The following CBX1 variants were observed in gnomAD, a reference collection of about 807,000 sequenced individuals.
CBX1 encodes chromobox 1.
Under a neutral mutation model 25.1 loss-of-function variants are expected in CBX1, and 10 were observed. The observed-to-expected ratio is 0.40, with a 90% CI of 0.25 to 0.68. CBX1 has a LOEUF of 0.68. Among genes scored for constraint, CBX1 ranks in the 30% least tolerant of loss-of-function variants. The probability of loss-of-function intolerance (pLI) is 0.40; values close to 1 mark genes in which losing one functional copy is unlikely to be tolerated. For missense variants in CBX1, 106 were observed against 218.5 expected (o/e 0.49, Z 3.25); for synonymous variants, 63 against 79.4 (o/e 0.79, Z 1.10).
chr17:48,083,164 C>T (rs1427812317), intron 1 of CBX1, among the ~76,000 whole-genome samples: 4 of 149,786 alleles, frequency 2.7e-5, no homozygotes, highest in Admixed American at 6.6e-5. Context: ...CTGCACCTGG[C>T]CTAATTTTTA....
intron 1 of CBX1, among the ~76,000 whole-genome samples, chr17:48,081,823 C>T (rs930035757): frequency 2.6e-5 from 4 of 152,158 alleles, no homozygotes; most frequent in African/African-American, 9.7e-5. Context: ...TCTTCCTGAG[C>T]TTTCTTTACT....
In CBX1 at chr17:48,086,680, A is replaced by G. The variant is rs562787034; in HGVS notation, c.-37-9639T>C. Among the ~76,000 whole-genome samples, 497 of 151,884 alleles carry G rather than the reference A, an allele frequency of 3.3e-3. 7 individuals carry two copies. Among genetic ancestry groups the G allele is most frequent in the African/African-American group, 0.012 (485 of 41,398 alleles). On this transcript the variant is annotated intron_variant, in intron 1 of 4. Transcript: ENST00000225603. ...AGACCAGCCTGGCCAACATGGTGAA[A>G]CCCTGTCTCTACTAAAAAATACAAA...
In CBX1 at chr17:48,071,210, G is replaced by A. The variant is rs533768064; in HGVS notation, c.*225C>T. The A allele has an allele frequency of 4.1e-4, 159 of 387,764 alleles. No homozygotes were observed. Among genetic ancestry groups the A allele is most frequent in the African/African-American group, 3.2e-3 (154 of 48,800 alleles). 24.0% of individuals were successfully genotyped at this position (387,764 alleles called of 1,614,324 possible). ...TTCGCAGCAAAGTGCAGAAAAGGTT[G>A]CCTTGAAACACTTATCCCCTTTCCC... On this transcript the variant is annotated 3_prime_UTR_variant, in exon 5 of 5. Coordinates refer to ENST00000225603, the MANE Select transcript of CBX1 (RefSeq NM_001127228.2).
At chr17:48,075,662 CT>C (rs1469799939) in intron 3 of CBX1, among the ~76,000 whole-genome samples, 1 of 110,900 alleles carries the variant, frequency 9.0e-6, no homozygotes, top group Non-Finnish European at 2.2e-5. Flanking sequence ...TATCTCTTCA[CT>C]CTCAAAAAAC....
intron 1 of CBX1, among the ~76,000 whole-genome samples, chr17:48,085,439 T>C (rs2063307199): frequency 6.6e-6 from 1 of 152,134 alleles, no homozygotes; most frequent in Non-Finnish European, 1.5e-5. Context: ...CCCTCCAGCC[T>C]GTATAAGGAA....
chr17:48,081,631 A>G (rs1395190789), intron 1 of CBX1, among the ~76,000 whole-genome samples: 1 of 151,792 alleles, frequency 6.6e-6, no homozygotes, highest in Admixed American at 6.6e-5. Context: ...TAGTAGAGAC[A>G]AGATTTCACC....
At chr17:48,094,938 T>A (rs1243446213) in intron 1 of CBX1, among the ~76,000 whole-genome samples, 1 of 150,520 alleles carries the variant, frequency 6.6e-6, no homozygotes, top group Non-Finnish European at 1.5e-5. Flanking sequence ...TCCCAGCCAC[T>A]TGGGAGGGTG....
chr17:48,100,872 A>G, intron 1 of CBX1: 1 of 985,228 alleles, frequency 1.0e-6, no homozygotes, highest in Non-Finnish European at 1.2e-6. Flanking sequence ...ACAGTTACAA[A>G]CCTCGGGTTG....
intron 1 of CBX1, among the ~76,000 whole-genome samples, chr17:48,099,953 G>A (rs1439258015): frequency 1.3e-5 from 2 of 151,766 alleles, no homozygotes; most frequent in East Asian, 3.9e-4. Flanking sequence ...AGCGTGACCA[G>A]TACGGTGAAA....
chr17:48,097,399 G>C (rs575875329), intron 1 of CBX1, among the ~76,000 whole-genome samples: 12 of 152,160 alleles, frequency 7.9e-5, no homozygotes, highest in Admixed American at 1.3e-4. Flanking sequence ...TAGATCACCC[G>C]AGGTCAGGAG....
chr17:48,098,604 T>A (rs2063389148), intron 1 of CBX1, among the ~76,000 whole-genome samples: 2 of 152,140 alleles, frequency 1.3e-5, no homozygotes, highest in Admixed American at 6.6e-5. Context: ...TTCAAACGAT[T>A]CTCCTGCCTC....
chr17:48,072,811 A>G (rs990580752), intron 4 of CBX1, among the ~76,000 whole-genome samples: 4 of 151,522 alleles, frequency 2.6e-5, no homozygotes, highest in Non-Finnish European at 4.4e-5. Flanking sequence ...AAATTTGAAA[A>G]TCATACACAT....
chr17:48,089,051 GAATC>G (rs1231123537), intron 1 of CBX1, among the ~76,000 whole-genome samples: 2 of 150,756 alleles, frequency 1.3e-5, no homozygotes, highest in African/African-American at 4.9e-5. Context: ...GCATAAATCT[GAATC>G]AAGAGTAATT....
intron 1 of CBX1, among the ~76,000 whole-genome samples, chr17:48,091,983 C>CTTTTTT (rs56277117): frequency 1.1e-4 from 7 of 62,916 alleles, no homozygotes; most frequent in East Asian, 6.0e-4. Context: ...CCAGCCAGAT[C>CTTTTTT]TTTTTTTTTT....
At chr17:48,100,707 T>A in intron 1 of CBX1, 1 of 984,034 alleles carries the variant, frequency 1.0e-6, no homozygotes, top group Non-Finnish European at 1.2e-6. Context: ...CCCCTCCGTG[T>A]CCCCTTTCCC....
At chr17:48,085,813 C>A (rs1324207868) in intron 1 of CBX1, among the ~76,000 whole-genome samples, 1 of 152,116 alleles carries the variant, frequency 6.6e-6, no homozygotes, top group Non-Finnish European at 1.5e-5. Flanking sequence ...CGCCTATAAT[C>A]CCAGCACTCT....
chr17:48,076,290 TG>T, intron 2 of CBX1, 112 bp from the exon 3 acceptor site: 1 of 763,424 alleles, frequency 1.3e-6, no homozygotes, highest in Non-Finnish European at 2.0e-6. Context: ...CTGAAATTCT[TG>T]GGGAATGGGG....
intron 1 of CBX1, among the ~76,000 whole-genome samples, chr17:48,077,261 T>G (rs2037683430): frequency 6.6e-6 from 1 of 151,490 alleles, no homozygotes; most frequent in African/African-American, 2.4e-5. Context: ...GCAAACTTTT[T>G]TTTTTTTTTT....
At chr17:48,099,803 G>GT (rs1290942504) in intron 1 of CBX1, among the ~76,000 whole-genome samples, 1 of 152,092 alleles carries the variant, frequency 6.6e-6, no homozygotes, top group Non-Finnish European at 1.5e-5. Flanking sequence ...ACGTCTAAAT[G>GT]TAACACCAAT....
Sources: gnomAD v4.1 joint callset for allele counts (sites outside exome capture counted in the v4.1 genomes callset) on GRCh38, gnomAD v4.1.1 for gene constraint, MANE v1.5 for transcripts, NCBI Gene and HGNC (gene_info 2026-07-23, HGNC 2026-07-21) for gene names.